ADGRD1: variants seen among roughly 807,000 people sequenced by gnomAD.
ADGRD1 encodes the protein adhesion G protein-coupled receptor D1.
Under a neutral mutation model 113.4 loss-of-function variants are expected in ADGRD1, and 77 were observed. The observed-to-expected ratio is 0.68, with a 90% CI of 0.57 to 0.82. ADGRD1 has a LOEUF of 0.82. Ranked by LOEUF, ADGRD1 falls within the 40% of genes least tolerant of loss-of-function variation. The pLI is 0.00. For missense variants in ADGRD1, 1,036 were observed against 1,139.1 expected (o/e 0.91, Z 1.30); for synonymous variants, 474 against 475.0 (o/e 1.00, Z 0.03).
intron 11 of ADGRD1, among the ~76,000 whole-genome samples, chr12:131,005,026 G>A (rs544117463): frequency 2.6e-5 from 4 of 152,268 alleles, no homozygotes; most frequent in East Asian, 1.9e-4. Context: ...CAGAGGCCAC[G>A]CCCCCTTCCC....
intron 16 of ADGRD1, among the ~76,000 whole-genome samples, chr12:131,105,175 G>A (rs751394887): frequency 1.3e-5 from 2 of 152,248 alleles, no homozygotes; most frequent in Admixed American, 6.5e-5. Context: ...ATTCACTCTC[G>A]CTCCCACGTT....
Position 130,971,746 on chromosome 12 carries a change from G to T in ADGRD1, c.310+166G>T, listed in dbSNP as rs1355744034. On this transcript the variant is annotated intron_variant, in intron 4 of 24. Coordinates refer to ENST00000261654, the MANE Select transcript of ADGRD1 (RefSeq NM_198827.5). This position sits in a 1 kb window ranked among gnomAD's most constrained non-coding sequence, Gnocchi z 4.2. ...CAGGGGAGGGAGGAATACAGGCAAG[G>T]AGGTTACTAAGCAGAGACTTGTCCT... Among the ~76,000 whole-genome samples the T allele has an allele frequency of 1.3e-5, 2 of 152,212 alleles. No individual in the cohort carries two copies. Among genetic ancestry groups the T allele is most frequent in the Non-Finnish European group, 2.9e-5 (2 of 68,048 alleles).
At chr12:131,116,398 T>C (rs1171879853) in intron 18 of ADGRD1, among the ~76,000 whole-genome samples, 1 of 146,140 alleles carries the variant, frequency 6.8e-6, no homozygotes, top group Non-Finnish European at 1.5e-5. Flanking sequence ...TTTTGACATT[T>C]AAAACCAAGT....
chr12:130,954,545 GTGGCCAGGA>G lies in ADGRD1; in HGVS notation c.66+19_66+27del. On this transcript the variant is annotated intron_variant, in intron 1 of 24. Coordinates refer to ENST00000261654, the MANE Select transcript of ADGRD1 (RefSeq NM_198827.5). The surrounding 1 kb of genome is among the most constrained non-coding windows in gnomAD (Gnocchi z 4.7). ...TACAACTTTCAGGTAATGTCCCCAAGTGGCCAGGATGGCGACAGGCTTGGTTTCTCCGGA... is the reference window on the plus strand; with the variant it reads ...TACAACTTTCAGGTAATGTCCCCAAGTGGCGACAGGCTTGGTTTCTCCGGA... 1 of 1,613,222 alleles carries G rather than the reference GTGGCCAGGA, an allele frequency of 6.2e-7. No individual in the cohort carries two copies. The highest frequency in any genetic ancestry group is 8.5e-7 in the Non-Finnish European group (1 of 1,179,580).
intron 2 of ADGRD1, chr12:130,957,801 A>G (rs1281026582): frequency 6.6e-6 from 1 of 152,260 alleles, no homozygotes; most frequent in Non-Finnish European, 1.5e-5. Context: ...CTGTGTGGAA[A>G]AGCACAGTGA....
rs1884018696 is a variant in ADGRD1 at position 131,057,964 on chromosome 12, C to A, written c.1474-18837C>A. On this transcript the variant is annotated intron_variant, in intron 13 of 24. Transcript: ENST00000261654. This position sits in a 1 kb window ranked among gnomAD's most constrained non-coding sequence, Gnocchi z 4.2. ...GTTCATGTTTTTCCTTGTCTATGCA[C>A]CAGGGAGAATGAGCTTCTGTTATTT... is the stretch of plus-strand genomic sequence containing the variant. Among the ~76,000 whole-genome samples, 1 of 152,080 alleles carries A rather than the reference C, an allele frequency of 6.6e-6. No individual in the cohort carries two copies. The highest frequency in any genetic ancestry group is 2.4e-5 in the African/African-American group (1 of 41,390).
At position 130,991,058 on chromosome 12, in the gene ADGRD1, A is replaced by G. The variant is rs1285371526; in HGVS notation, c.790A>G (p.Thr264Ala). 6.2e-7 allele frequency: 1 copy of G among 1,614,092 alleles called. No homozygotes were observed. Among genetic ancestry groups the G allele is most frequent in the Non-Finnish European group, 8.5e-7 (1 of 1,179,944 alleles). The change falls in exon 7 of 25, where the codon ACA (threonine) becomes GCA (alanine). Residue 264 changes from threonine (T) to alanine (A), a missense_variant. Transcript: ENST00000261654. ...LSSTLPSLFM[T>A]STASPVMPTD... ...TTCAACGCTGCCAAGCCTCTTCATG[A>G]CATCCACAGCAAGCCCCGTGGTGAG...
intron 18 of ADGRD1, among the ~76,000 whole-genome samples, chr12:131,109,603 G>A (rs1318537355): frequency 2.0e-5 from 3 of 152,110 alleles, no homozygotes; most frequent in Non-Finnish European, 4.4e-5. Flanking sequence ...AACATATTTT[G>A]TATGACTTCA....
chr12:131,123,505 G>A (rs1344747085), intron 20 of ADGRD1, among the ~76,000 whole-genome samples: 1 of 152,034 alleles, frequency 6.6e-6, no homozygotes, highest in Non-Finnish European at 1.5e-5. Flanking sequence ...GGAGGCAAGA[G>A]CTGAATGGGG....
intron 13 of ADGRD1, among the ~76,000 whole-genome samples, chr12:131,067,647 G>C (rs1884829318): frequency 1.5e-5 from 2 of 132,142 alleles, no homozygotes; most frequent in South Asian, 5.7e-4. Context: ...CTGAGCAGGG[G>C]CTGCCCTCTG....
Position 131,046,795 on chromosome 12 carries a change from C to T in ADGRD1, c.1474-30006C>T, listed in dbSNP as rs548597107. On this transcript the variant is annotated intron_variant, in intron 13 of 24. Transcript: ENST00000261654. ...CTCCCTGGTCAGTGTCCTCCCTGGT[C>T]AGTGTCCTCCCTGGGCAGTGTCCTC... Among the ~76,000 whole-genome samples, 4 of 127,576 alleles carry T rather than the reference C, an allele frequency of 3.1e-5. No individual in the cohort carries two copies. The East Asian group carries it at 8.1e-4, about 26-fold the overall frequency. The allele number at this position is 127,576 out of a possible 152,430, so 83.7% of individuals were successfully genotyped here.
chr12:130,992,280 A>G lies in ADGRD1; in HGVS notation c.854A>G (p.Glu285Gly), dbSNP rs1874511733. ...CATCCCATCATAACCAACCTGACAG[A>G]AGAGAGAAAAACCTTCCAAAGTCCC... The part of the protein sequence containing the change: ...AYHPIITNLT[E>G]ERKTFQSPGV... The change falls in exon 8 of 25, where the codon GAA becomes GGA. Residue 285 changes from glutamate to glycine, a missense_variant. By Grantham distance (98) the Glu-to-Gly change is moderately conservative (BLOSUM62 -2). Coordinates refer to ENST00000261654, the MANE Select transcript of ADGRD1 (RefSeq NM_198827.5). 1.2e-6 allele frequency: 2 copies of G among 1,613,836 alleles called. No individual in the cohort carries two copies. The highest frequency in any genetic ancestry group is 3.3e-4 in the Middle Eastern group (2 of 6,058).
intron 13 of ADGRD1, among the ~76,000 whole-genome samples, chr12:131,072,656 A>G (rs1406392472): frequency 6.6e-6 from 1 of 152,198 alleles, no homozygotes; most frequent in Admixed American, 6.5e-5. Context: ...ATTCCATTGA[A>G]AGGACAGACC....
At chr12:131,130,719 C>G (rs146094572) in intron 20 of ADGRD1, among the ~76,000 whole-genome samples, 1 of 151,100 alleles carries the variant, frequency 6.6e-6, no homozygotes, top group Non-Finnish European at 1.5e-5. Context: ...TGGCCCATCC[C>G]GTGCGGGGGA....
intron 13 of ADGRD1, among the ~76,000 whole-genome samples, chr12:131,048,806 T>A (rs1883093356): frequency 6.6e-6 from 1 of 152,106 alleles, no homozygotes; most frequent in Non-Finnish European, 1.5e-5. Flanking sequence ...GCCAGGTCCC[T>A]CCTGAAGGGC....
At chr12:131,012,008 G>A (rs141011043) in intron 12 of ADGRD1, among the ~76,000 whole-genome samples, 83 of 152,296 alleles carry the variant, frequency 5.4e-4, no homozygotes, top group African/African-American at 1.8e-3. Context: ...CACTTTCTGC[G>A]GTGGGGACTG....
intron 5 of ADGRD1, among the ~76,000 whole-genome samples, chr12:130,985,047 A>G (rs1240200958): frequency 6.6e-6 from 1 of 150,576 alleles, no homozygotes; most frequent in Non-Finnish European, 1.5e-5. Flanking sequence ...TGATCCTCCT[A>G]CCTCAGTTGC....
intron 20 of ADGRD1, among the ~76,000 whole-genome samples, chr12:131,128,644 C>G (rs567229872): frequency 6.6e-6 from 1 of 152,318 alleles, no homozygotes; most frequent in South Asian, 2.1e-4. Flanking sequence ...TTTCCACCCT[C>G]CCTCCAAACA....
chr12:131,093,871 C>G (rs1005583055), intron 15 of ADGRD1, among the ~76,000 whole-genome samples: 4 of 152,170 alleles, frequency 2.6e-5, no homozygotes, highest in African/African-American at 4.8e-5. Context: ...ATGGGTGGGA[C>G]CCTTTCCTTG....
Sources: allele counts gnomAD v4.1 joint callset (sites outside exome capture counted in the v4.1 genomes callset), GRCh38; gene constraint gnomAD v4.1.1; non-coding constraint Gnocchi (gnomAD v3.1); transcripts MANE v1.5; gene names NCBI Gene and HGNC (gene_info 2026-07-23, HGNC 2026-07-21).